Variants in WDR20 observed in about 807,000 individuals in gnomAD.
WDR20 encodes WD repeat domain 20.
In WDR20, 3 loss-of-function variants were observed where a neutral mutation model predicts 38.7. The observed-to-expected ratio is 0.08, with a 90% confidence interval of 0.04 to 0.20. The LOEUF (loss-of-function observed/expected upper bound fraction) is 0.20. Among genes scored for constraint, WDR20 ranks in the 10% least tolerant of loss-of-function variants. The pLI, the probability that WDR20 is intolerant of heterozygous loss-of-function variation, is 1.00. For synonymous variants in WDR20, 298 were observed against 285.6 expected (o/e 1.04, Z -0.44); for missense variants, 559 against 727.7 (o/e 0.77, Z 2.67).
chr14:102,160,967 A>AAAG (rs1555377292), intron 1 of WDR20, among the ~76,000 whole-genome samples: 6 of 144,404 alleles, frequency 4.2e-5, no homozygotes, highest in African/African-American at 1.3e-4. Flanking sequence ...AAAAAAAAAA[A>AAAG]GAATAATGCT....
intron 1 of WDR20, among the ~76,000 whole-genome samples, chr14:102,172,249 C>T (rs2060994807): frequency 6.7e-6 from 1 of 148,306 alleles, no homozygotes; most frequent in African/African-American, 2.4e-5. Flanking sequence ...AACAGGATCC[C>T]AAGGCAGAAG....
At chr14:102,201,672 G>T (rs1028399178) in intron 2 of WDR20, among the ~76,000 whole-genome samples, 2 of 152,202 alleles carry the variant, frequency 1.3e-5, no homozygotes, top group Admixed American at 6.5e-5. Flanking sequence ...CAGAGCACTG[G>T]CCCAGAGCAG....
intron 1 of WDR20, among the ~76,000 whole-genome samples, chr14:102,175,733 C>A (rs2061915609): frequency 6.6e-6 from 1 of 152,134 alleles, no homozygotes; most frequent in Non-Finnish European, 1.5e-5. Context: ...TTAGCAGTGT[C>A]TTGTAGTTTT....
intron 1 of WDR20, among the ~76,000 whole-genome samples, chr14:102,155,581 T>C (rs2057177906): frequency 6.6e-6 from 1 of 152,248 alleles, no homozygotes; most frequent in African/African-American, 2.4e-5. Flanking sequence ...TCTGCTCTAT[T>C]AGACAGCATT....
At chr14:102,150,556 GT>G (rs1435901196) in intron 1 of WDR20, among the ~76,000 whole-genome samples, 1 of 152,136 alleles carries the variant, frequency 6.6e-6, no homozygotes, top group South Asian at 2.1e-4. Context: ...CCATGAAGCT[GT>G]TTTTTTCTTT....
In WDR20 at chr14:102,208,452, T is replaced by A; in HGVS notation, c.433-151T>A. On this transcript the variant is annotated intron_variant, in intron 2 of 2. Coordinates refer to ENST00000342702, the MANE Select transcript of WDR20 (RefSeq NM_144574.4). The surrounding 1 kb of genome is among the most constrained non-coding windows in gnomAD (Gnocchi z 5.6). ...AATTACCCCAAAAGGGCCAAAACGC[T>A]CCTTGCTGGCTTGGCTGACTGCAGG... 3.6e-6 allele frequency: 4 copies of A among 1,102,200 alleles called. No individual in the cohort carries two copies. The highest frequency in any genetic ancestry group is 5.0e-6 in the Non-Finnish European group (4 of 800,714). The allele number at this position is 1,102,200 out of a possible 1,614,324, so 68.3% of individuals were successfully genotyped here.
rs59078063 is a variant in WDR20, at chr14:102,173,433, A to AATTATT, written c.250-21462_250-21457dup. On this transcript the variant is annotated intron_variant, in intron 1 of 2. Transcript: ENST00000342702. ...CCGGCCTGTTTTTTTCTTTTTTTAAAATTATTATTATTATTATTATTATTA... is the reference window on the plus strand; with the variant it reads ...CCGGCCTGTTTTTTTCTTTTTTTAAAATTATTATTATTATTATTATTATTATTATTA... Among the ~76,000 whole-genome samples the AATTATT allele has an allele frequency of 5.4e-4, 75 of 138,878 alleles. 1 individual carries two copies. The highest frequency in any genetic ancestry group is 7.0e-4 in the Non-Finnish European group (46 of 65,616). The allele number at this position is 138,878 out of a possible 152,430, so 91.1% of individuals were successfully genotyped here.
downstream of WDR20, chr14:102,213,769 C>G (rs2062848195): frequency 1.0e-6 from 1 of 985,280 alleles, no homozygotes; most frequent in South Asian, 4.7e-5. Flanking sequence ...TCCTCATCAC[C>G]TCTCGCCTGG....
intron 1 of WDR20, among the ~76,000 whole-genome samples, chr14:102,185,364 G>A (rs2064379023): frequency 6.6e-6 from 1 of 152,150 alleles, no homozygotes; most frequent in Non-Finnish European, 1.5e-5. Flanking sequence ...GGGCCACACT[G>A]AGAAAGGCTG....
At chr14:102,148,933 G>A (rs974008271) in intron 1 of WDR20, among the ~76,000 whole-genome samples, 7 of 152,084 alleles carry the variant, frequency 4.6e-5, no homozygotes, top group Admixed American at 1.3e-4. Context: ...AGGCCGAGGC[G>A]GGCGGATCAC....
chr14:102,151,277 C>T (rs2487312), intron 1 of WDR20, among the ~76,000 whole-genome samples: 2 of 150,604 alleles, frequency 1.3e-5, no homozygotes, highest in South Asian at 2.1e-4. Context: ...AGGCCTGTGC[C>T]TAGGCCTCTT....
chr14:102,198,084 T>A, intron 2 of WDR20: 1 of 368,244 alleles, frequency 2.7e-6, no homozygotes, highest in Admixed American at 4.5e-5. Context: ...AGGGAGAGAA[T>A]CACAGAGGTC....
At chr14:102,140,357 G>A in intron 1 of WDR20, 185 bp downstream of exon 1, 2 of 1,077,900 alleles carry the variant, frequency 1.9e-6, no homozygotes, top group Admixed American at 2.8e-5. Context: ...GGTGGCGGTG[G>A]CGTTTCGAAG....
intron 1 of WDR20, among the ~76,000 whole-genome samples, chr14:102,178,440 T>C (rs537574179): frequency 6.6e-6 from 1 of 151,636 alleles, no homozygotes; most frequent in Non-Finnish European, 1.5e-5. Context: ...AGATCCTCAG[T>C]GAGTTCCTTG....
downstream of WDR20, among the ~76,000 whole-genome samples, chr14:102,218,562 T>C (rs532385933): frequency 6.6e-6 from 1 of 152,368 alleles, no homozygotes; most frequent in East Asian, 1.9e-4. Flanking sequence ...ATATTTTTCA[T>C]ATATATTCTG....
At chr14:102,143,992 T>C (rs1190582) in intron 1 of WDR20, among the ~76,000 whole-genome samples, 140,623 of 151,240 alleles carry the variant, frequency 0.93, 65,400 homozygotes, top group East Asian at 1. Flanking sequence ...GCCTGGATAA[T>C]ATATCAATAC....
upstream of WDR20, chr14:102,139,518 G>T: frequency 9.1e-7 from 1 of 1,096,116 alleles, no homozygotes; most frequent in Non-Finnish European, 1.3e-6. Context: ...GCGGGAGACC[G>T]CTGAGGAGGC....
downstream of WDR20, chr14:102,210,570 C>T (rs2062351007): frequency 1.0e-6 from 1 of 984,592 alleles, no homozygotes; most frequent in Non-Finnish European, 1.2e-6. Flanking sequence ...TACTAAGATA[C>T]CCGTACCTCA....
At chr14:102,204,443 T>C (rs182998116) in intron 2 of WDR20, among the ~76,000 whole-genome samples, 1 of 152,216 alleles carries the variant, frequency 6.6e-6, no homozygotes, top group African/African-American at 2.4e-5. Context: ...ACAGCACTTA[T>C]CATCATCAGA....
Sources: allele counts gnomAD v4.1 joint callset (sites outside exome capture counted in the v4.1 genomes callset), GRCh38; gene constraint gnomAD v4.1.1; non-coding constraint Gnocchi (gnomAD v3.1); transcripts MANE v1.5; gene names NCBI Gene and HGNC (gene_info 2026-07-23, HGNC 2026-07-21).